WWC2: variants seen among roughly 807,000 people sequenced by gnomAD.
The protein encoded by WWC2 is WW and C2 domain containing 2.
In WWC2, 101 loss-of-function variants were observed where a neutral mutation model predicts 138.5. The ratio of observed to expected loss-of-function variants is 0.73; its 90% CI spans 0.62 to 0.86. WWC2 has a LOEUF of 0.86. WWC2 is among the 40% of genes least tolerant of loss of function. WWC2 has a pLI of 0.00. For synonymous variants in WWC2, 558 were observed against 538.4 expected (o/e 1.04, Z -0.50); for missense variants, 1,420 against 1,419.4 (o/e 1.00, Z -0.01).
chr4:183,189,945 A>G (rs1161910043), intron 1 of WWC2, among the ~76,000 whole-genome samples: 2 of 152,234 alleles, frequency 1.3e-5, no homozygotes, highest in Non-Finnish European at 1.5e-5. Flanking sequence ...GACAATAAAT[A>G]TTAAATGACT....
chr4:183,187,734 G>A (rs1278999998), intron 1 of WWC2, among the ~76,000 whole-genome samples: 6 of 151,066 alleles, frequency 4.0e-5, no homozygotes, highest in Admixed American at 6.6e-5. Context: ...TTAGCTGGGC[G>A]TGGTAGCGCA....
At position 183,126,261 on chromosome 4, in the gene WWC2, T is replaced by C. The variant is rs1300495231; in HGVS notation, c.131+26639T>C. Among the ~76,000 whole-genome samples the C allele has an allele frequency of 2.0e-5, 3 of 152,220 alleles. No homozygotes were observed. The East Asian group carries it at 5.8e-4, about 29-fold the overall frequency. On this transcript the variant is annotated intron_variant, in intron 1 of 22. Coordinates refer to ENST00000403733, the MANE Select transcript of WWC2 (RefSeq NM_024949.6). ...ACTGGGTGAGAACAAGTTATTATTA[T>C]GGATTGTTTGAGAGGTAATGTCAGT... is the stretch of plus-strand genomic sequence containing the variant.
At chr4:183,193,496 A>T in intron 1 of WWC2, 103 bp from the exon 2 acceptor site, 1 of 971,462 alleles carries the variant, frequency 1.0e-6, no homozygotes, top group Non-Finnish European at 1.5e-6. Context: ...TTTTTCTTTA[A>T]GATTTTAAAT....
chr4:183,185,677 C>A (rs532026784), intron 1 of WWC2, among the ~76,000 whole-genome samples: 3 of 152,044 alleles, frequency 2.0e-5, no homozygotes, highest in Non-Finnish European at 4.4e-5. Context: ...AAGGGCTATG[C>A]GGCAGAGCTT....
At chr4:183,183,034 C>T (rs373270309) in intron 1 of WWC2, among the ~76,000 whole-genome samples, 83 of 152,286 alleles carry the variant, frequency 5.5e-4, no homozygotes, top group African/African-American at 1.9e-3. Context: ...GAGAAGAAGG[C>T]AGGGTCCCTG....
At chr4:183,195,953 G>A (rs1185183538) in intron 2 of WWC2, among the ~76,000 whole-genome samples, 3 of 152,142 alleles carry the variant, frequency 2.0e-5, no homozygotes, top group South Asian at 2.1e-4. Flanking sequence ...TGATTGGATC[G>A]TGGGAGTGGA....
intron 10 of WWC2, among the ~76,000 whole-genome samples, chr4:183,259,942 G>A (rs1737271899): frequency 6.6e-6 from 1 of 152,192 alleles, no homozygotes; most frequent in Non-Finnish European, 1.5e-5. Flanking sequence ...ATAGAAAGAA[G>A]ATATGTTTTA....
At chr4:183,196,676 AC>A (rs1192169541) in intron 2 of WWC2, among the ~76,000 whole-genome samples, 3 of 151,932 alleles carry the variant, frequency 2.0e-5, no homozygotes, top group Non-Finnish European at 4.4e-5. Flanking sequence ...CTTTAGGAGG[AC>A]CCTGTGCCTC....
At position 183,317,343 on chromosome 4, in the gene WWC2, C is replaced by A. The variant is rs1739473233; in HGVS notation, c.*1614C>A. 6.6e-6 allele frequency: 1 copy of A among 152,362 alleles called. No homozygotes were observed. The highest frequency in any genetic ancestry group is 2.4e-5 in the African/African-American group (1 of 41,446). 9.4% of individuals were successfully genotyped at this position (152,362 alleles called of 1,614,324 possible). A position where few individuals can be genotyped will look rare whatever the true frequency, so the allele number is the denominator to read the frequency against. On this transcript the variant is annotated 3_prime_UTR_variant, in exon 23 of 23. Transcript: ENST00000403733. Reference sequence around the variant, plus strand: ...ACTTTAATTACTTTTTCCTAAATGTCCCAACACTTACATACAAATTTCTTT... The same window carrying A: ...ACTTTAATTACTTTTTCCTAAATGTACCAACACTTACATACAAATTTCTTT...
chr4:183,240,346 A>G lies in WWC2; in HGVS notation c.602+84A>G. The G allele has an allele frequency of 4.6e-6, 5 of 1,089,172 alleles. 1 individual carries two copies. Among genetic ancestry groups the G allele is most frequent in the Non-Finnish European group, 6.4e-6 (5 of 786,334 alleles). 67.5% of individuals were successfully genotyped at this position (1,089,172 alleles called of 1,614,324 possible). A position where few individuals can be genotyped will look rare whatever the true frequency, so the allele number is the denominator to read the frequency against. ...AAGAAAATAGAAGTACAGATTACAT[A>G]AGCGATTTCTTAAAGAAACGTAAAG... On this transcript the variant is annotated intron_variant, in intron 5 of 22. Coordinates refer to ENST00000403733, the MANE Select transcript of WWC2 (RefSeq NM_024949.6).
rs751722785 is a variant in WWC2, at chr4:183,220,534, T to TA, written c.522+11526dup. ...GATTCCTGCCCTAGAGTATCCACTT[T>TA]AAAAAAAAAAAAAAAAATGGCCGGG... On this transcript the variant is annotated intron_variant, in intron 4 of 22. Transcript: ENST00000403733. 7.3e-3 allele frequency among the ~76,000 whole-genome samples: 1,001 copies of TA among 137,310 alleles called. 7 individuals are homozygous for TA. The highest frequency in any genetic ancestry group is 0.016 in the African/African-American group (609 of 37,584). The allele number at this position is 137,310 out of a possible 152,430, so 90.1% of individuals were successfully genotyped here. A position where few individuals can be genotyped will look rare whatever the true frequency, so the allele number is the denominator to read the frequency against.
At chr4:183,306,642 T>C (rs1049077412) in intron 21 of WWC2, among the ~76,000 whole-genome samples, 3 of 149,802 alleles carry the variant, frequency 2.0e-5, no homozygotes, top group Admixed American at 1.3e-4. Context: ...TTCTCTTACC[T>C]CAACCTCCTG....
intron 1 of WWC2, among the ~76,000 whole-genome samples, chr4:183,182,689 T>C (rs993065283): frequency 3.3e-5 from 5 of 152,228 alleles, no homozygotes; most frequent in Non-Finnish European, 1.5e-5. Context: ...TGTTAAGATA[T>C]TCATTATGAT....
intron 1 of WWC2, among the ~76,000 whole-genome samples, chr4:183,138,811 T>C (rs1161356631): frequency 6.6e-6 from 1 of 152,178 alleles, no homozygotes; most frequent in Non-Finnish European, 1.5e-5. Context: ...AAGTAACACA[T>C]TTAGTTGTCT....
intron 2 of WWC2, among the ~76,000 whole-genome samples, chr4:183,198,626 C>G (rs1350566289): frequency 2.0e-5 from 3 of 151,800 alleles, no homozygotes; most frequent in Non-Finnish European, 4.4e-5. Flanking sequence ...TAGAACTTCA[C>G]ATTTCTGTCA....
intron 4 of WWC2, among the ~76,000 whole-genome samples, chr4:183,238,237 C>T (rs75588259): frequency 0.032 from 4,889 of 152,232 alleles, 246 homozygotes; most frequent in African/African-American, 0.11. Flanking sequence ...AGCCAAAATC[C>T]TGATGTGATC....
chr4:183,202,413 T>A (rs924659092), intron 2 of WWC2, among the ~76,000 whole-genome samples: 1 of 152,090 alleles, frequency 6.6e-6, no homozygotes, highest in Non-Finnish European at 1.5e-5. Flanking sequence ...TATAAAATTT[T>A]AAAAAATGAT....
intron 2 of WWC2, 31 bp from the exon 3 acceptor site, chr4:183,207,922 C>T: frequency 6.4e-7 from 1 of 1,556,442 alleles, no homozygotes. Flanking sequence ...AAGTTAAATT[C>T]TAAAAAGTAC....
intron 21 of WWC2, among the ~76,000 whole-genome samples, chr4:183,294,212 A>G (rs1477949597): frequency 6.6e-6 from 1 of 152,154 alleles, no homozygotes; most frequent in Admixed American, 6.5e-5. Context: ...GGAAGAATTA[A>G]TAATGTGGAG....
Sources: allele counts gnomAD v4.1 joint callset (sites outside exome capture counted in the v4.1 genomes callset), GRCh38; gene constraint gnomAD v4.1.1; transcripts MANE v1.5; gene names NCBI Gene and HGNC (gene_info 2026-07-23, HGNC 2026-07-21).